PECAM1: variants seen among roughly 807,000 people sequenced by gnomAD.
PECAM1 encodes the protein platelet and endothelial cell adhesion molecule 1, also known as platelet endothelial cell adhesion molecule.
In PECAM1, 8 loss-of-function variants were observed where a neutral mutation model predicts 13.8. The observed-to-expected ratio is 0.58, with a 90% CI of 0.34 to 1.05. PECAM1 has a LOEUF of 1.05. PECAM1 is among the 50% of genes least tolerant of loss of function. The probability of loss-of-function intolerance (pLI) is 0.03; values close to 1 mark genes in which losing one functional copy is unlikely to be tolerated. For missense variants in PECAM1, 304 were observed against 141.2 expected (o/e 2.15, Z -5.84); for synonymous variants, 136 against 52.6 (o/e 2.58, Z -6.86).
intron 13 of PECAM1, among the ~76,000 whole-genome samples, chr17:64,345,191 C>T (rs1468982610): frequency 2.0e-5 from 3 of 151,954 alleles, no homozygotes; most frequent in African/African-American, 4.8e-5. Context: ...AAACCAGGGC[C>T]GGGCGCAGTG....
chr17:64,339,530 G>C (rs1371261115), intron 14 of PECAM1, among the ~76,000 whole-genome samples: 1 of 151,686 alleles, frequency 6.6e-6, no homozygotes, highest in Non-Finnish European at 1.5e-5. Context: ...AAAGTAGAAG[G>C]GGCATTTTTG....
intron 13 of PECAM1, among the ~76,000 whole-genome samples, chr17:64,345,484 G>A (rs1162813144): frequency 2.6e-5 from 4 of 151,998 alleles, no homozygotes; most frequent in Non-Finnish European, 4.4e-5. Flanking sequence ...TGGTCAAGGC[G>A]GGTGGATCAC....
intron 14 of PECAM1, among the ~76,000 whole-genome samples, chr17:64,334,474 T>C (rs1453483321): frequency 1.3e-5 from 2 of 152,122 alleles, no homozygotes; most frequent in African/African-American, 4.8e-5. Flanking sequence ...TGCACCCAGC[T>C]GGCTCACTGA....
chr17:64,379,989 C>T (rs2036446104), intron 2 of PECAM1, among the ~76,000 whole-genome samples: 1 of 150,732 alleles, frequency 6.6e-6, no homozygotes, highest in Non-Finnish European at 1.5e-5. Flanking sequence ...CATGCCAGTG[C>T]ACTCCAGCCT....
In PECAM1 at chr17:64,375,376, C is replaced by CT. The variant is rs2036333476; in HGVS notation, c.386-21dup. ...GCACTCCTACGGGGAAAGAGAAAGT[C>CT]TGTCAGTATCAGCCTGATTGAAGAG... On this transcript the variant is annotated intron_variant, in intron 3 of 15. Coordinates refer to ENST00000563924, the MANE Select transcript of PECAM1 (RefSeq NM_000442.5). The CT allele has an allele frequency of 4.4e-6, 2 of 454,326 alleles. No individual in the cohort carries two copies. The highest frequency in any genetic ancestry group is 4.0e-5 in the African/African-American group (2 of 50,206). The allele number at this position is 454,326 out of a possible 1,614,324, so 28.1% of individuals were successfully genotyped here.
At chr17:64,382,685 G>T (rs951369770) in intron 2 of PECAM1, among the ~76,000 whole-genome samples, 4 of 151,478 alleles carry the variant, frequency 2.6e-5, no homozygotes, top group Admixed American at 2.6e-4. Context: ...ACTATTCAGA[G>T]CTTTAAAGCT....
At chr17:64,383,204 C>T (rs1192463980) in intron 2 of PECAM1, among the ~76,000 whole-genome samples, 1 of 152,136 alleles carries the variant, frequency 6.6e-6, no homozygotes, top group Non-Finnish European at 1.5e-5. Context: ...CTGGTTATGC[C>T]CTAGACCAGC....
In PECAM1 at chr17:64,322,009, A is replaced by C; in HGVS notation, c.*1807T>G. Reference sequence around the variant, plus strand: ...ACTCAGAAAACCTGGAAATTGTATGACATTTTCGTGATACAACTCGGTGTG... The same window carrying C: ...ACTCAGAAAACCTGGAAATTGTATGCCATTTTCGTGATACAACTCGGTGTG... On this transcript the variant is annotated 3_prime_UTR_variant, in exon 16 of 16. Coordinates refer to ENST00000563924, the MANE Select transcript of PECAM1 (RefSeq NM_000442.5). 1.6e-6 allele frequency: 2 copies of C among 1,234,562 alleles called. No homozygotes were observed. Among genetic ancestry groups the C allele is most frequent in the Non-Finnish European group, 1.0e-6 (1 of 955,896 alleles). The allele number at this position is 1,234,562 out of a possible 1,614,324, so 76.5% of individuals were successfully genotyped here. A position where few individuals can be genotyped will look rare whatever the true frequency, so the allele number is the denominator to read the frequency against.
chr17:64,330,304 TCAC>T (rs1488122238), intron 14 of PECAM1, among the ~76,000 whole-genome samples: 2 of 151,842 alleles, frequency 1.3e-5, no homozygotes, highest in Non-Finnish European at 2.9e-5. Context: ...CAAGTGTGAG[TCAC>T]CACATCTGGC....
chr17:64,334,028 G>A (rs925914871), intron 14 of PECAM1, among the ~76,000 whole-genome samples: 10 of 150,608 alleles, frequency 6.6e-5, no homozygotes, highest in Non-Finnish European at 1.3e-4. Flanking sequence ...GAGTCAATAG[G>A]GAAACTGAGA....
chr17:64,345,201 G>A (rs1310890416), intron 13 of PECAM1, among the ~76,000 whole-genome samples: 1 of 152,006 alleles, frequency 6.6e-6, no homozygotes, highest in Non-Finnish European at 1.5e-5. Flanking sequence ...CGGGCGCAGT[G>A]GCTCATGCTT....
chr17:64,345,984 A>C (rs2035557215), intron 13 of PECAM1, among the ~76,000 whole-genome samples: 1 of 152,182 alleles, frequency 6.6e-6, no homozygotes, highest in Admixed American at 6.5e-5. Context: ...GGAGAAGTCC[A>C]AGACTCCTCC....
At chr17:64,347,487 G>A (rs1411035908) in intron 13 of PECAM1, among the ~76,000 whole-genome samples, 1 of 144,940 alleles carries the variant, frequency 6.9e-6, no homozygotes, top group African/African-American at 2.5e-5. Flanking sequence ...CTGAGATCTC[G>A]CAACTGCACT....
chr17:64,359,747 T>C (rs1466498239), intron 7 of PECAM1, among the ~76,000 whole-genome samples: 1 of 124,094 alleles, frequency 8.1e-6, no homozygotes, highest in African/African-American at 2.5e-5. Context: ...AAGCACCCAC[T>C]ACTTCTCTCG....
intron 5 of PECAM1, among the ~76,000 whole-genome samples, chr17:64,367,126 C>T (rs2036126811): frequency 6.6e-6 from 1 of 151,910 alleles, no homozygotes; most frequent in African/African-American, 2.4e-5. Context: ...GTATTTATTG[C>T]AGGTTCTCTC....
chr17:64,331,366 A>C (rs929789395), intron 14 of PECAM1, among the ~76,000 whole-genome samples: 1 of 152,096 alleles, frequency 6.6e-6, no homozygotes, highest in Non-Finnish European at 1.5e-5. Context: ...TTGTATTTTT[A>C]GTAGAGATGG....
At chr17:64,335,314 G>A (rs1040315267) in intron 14 of PECAM1, among the ~76,000 whole-genome samples, 5 of 152,078 alleles carry the variant, frequency 3.3e-5, no homozygotes, top group Non-Finnish European at 5.9e-5. Flanking sequence ...TGAGAGGGGA[G>A]GATGCTTGAG....
At chr17:64,344,301 C>T (rs2035508944) in intron 13 of PECAM1, among the ~76,000 whole-genome samples, 1 of 152,072 alleles carries the variant, frequency 6.6e-6, no homozygotes, top group East Asian at 1.9e-4. Context: ...TCCTCCCCAC[C>T]CACTCCACGG....
chr17:64,342,268 A>G (rs2035453049), intron 13 of PECAM1, among the ~76,000 whole-genome samples: 2 of 152,024 alleles, frequency 1.3e-5, no homozygotes. Context: ...GGAACCCTGG[A>G]CCTGAGGGGC....
Sources: gnomAD v4.1 joint callset for allele counts (sites outside exome capture counted in the v4.1 genomes callset) on GRCh38, gnomAD v4.1.1 for gene constraint, MANE v1.5 for transcripts, NCBI Gene and HGNC (gene_info 2026-07-23, HGNC 2026-07-21) for gene names.